PRKG1: variants seen among roughly 807,000 people sequenced by gnomAD.
PRKG1 encodes the protein protein kinase cGMP-dependent 1.
A neutral mutation model predicts 88.1 loss-of-function variants in PRKG1; 35 were observed. That is an observed-to-expected ratio of 0.40 (90% CI 0.30 to 0.53). PRKG1 has a LOEUF of 0.53. Among genes scored for constraint, PRKG1 ranks in the 20% least tolerant of loss-of-function variants. The pLI, the probability that PRKG1 is intolerant of heterozygous loss-of-function variation, is 0.59. For missense variants in PRKG1, 540 were observed against 839.8 expected (o/e 0.64, Z 4.41); for synonymous variants, 303 against 292.5 (o/e 1.04, Z -0.37).
intron 2 of PRKG1, among the ~76,000 whole-genome samples, chr10:51,399,739 G>A (rs1025413196): frequency 1.1e-4 from 17 of 152,174 alleles, no homozygotes; most frequent in African/African-American, 4.1e-4. Flanking sequence ...GAGAAGTGGG[G>A]TCAATGCAGA....
intron 9 of PRKG1, among the ~76,000 whole-genome samples, chr10:52,211,911 T>C (rs7917121): frequency 0.19 from 28,324 of 152,042 alleles, 3,917 homozygotes; most frequent in East Asian, 0.47. Context: ...CTATAAATCT[T>C]ATATTTCTAA....
chr10:51,765,185 C>T (rs1443871327), intron 3 of PRKG1, among the ~76,000 whole-genome samples: 1 of 152,086 alleles, frequency 6.6e-6, no homozygotes, highest in Non-Finnish European at 1.5e-5. Context: ...GAGGGTATAC[C>T]TTAATCCATA....
At chr10:51,513,109 T>G (rs1841467893) in intron 3 of PRKG1, among the ~76,000 whole-genome samples, 1 of 151,950 alleles carries the variant, frequency 6.6e-6, no homozygotes, top group South Asian at 2.1e-4. Context: ...CCATCTCATG[T>G]GCAGAGACAC....
chr10:51,974,766 T>C (rs1046197820), intron 5 of PRKG1, among the ~76,000 whole-genome samples: 1 of 152,174 alleles, frequency 6.6e-6, no homozygotes, highest in African/African-American at 2.4e-5. Context: ...GGAATTGGCT[T>C]GTATCTCTTA....
chr10:52,211,742 G>T (rs1017237207), intron 9 of PRKG1, among the ~76,000 whole-genome samples: 4 of 149,152 alleles, frequency 2.7e-5, no homozygotes, highest in African/African-American at 7.4e-5. Flanking sequence ...TAATTGGTTA[G>T]TAAAGTAACG....
intron 9 of PRKG1, among the ~76,000 whole-genome samples, chr10:52,244,752 A>T (rs1431421804): frequency 1.4e-5 from 2 of 144,458 alleles, no homozygotes; most frequent in Admixed American, 7.0e-5. Flanking sequence ...ATTTAAATAT[A>T]TATTAAGATA....
chr10:52,265,943 TA>T (rs1841560046), intron 10 of PRKG1, among the ~76,000 whole-genome samples: 1 of 152,076 alleles, frequency 6.6e-6, no homozygotes, highest in Non-Finnish European at 1.5e-5. Context: ...ATTTCTTATA[TA>T]AAATAAAATG....
chr10:51,389,245 G>A (rs985022287), intron 2 of PRKG1, among the ~76,000 whole-genome samples: 5 of 152,156 alleles, frequency 3.3e-5, no homozygotes, highest in African/African-American at 9.6e-5. Context: ...CTTTGCTTCC[G>A]TTATGCAAGT....
intron 9 of PRKG1, among the ~76,000 whole-genome samples, chr10:52,241,574 C>T (rs1840863321): frequency 6.6e-6 from 1 of 152,178 alleles, no homozygotes; most frequent in Admixed American, 6.6e-5. Context: ...TGACCCACTA[C>T]AACCATGACT....
At chr10:51,838,467 G>A (rs1840185405) in intron 4 of PRKG1, among the ~76,000 whole-genome samples, 1 of 152,172 alleles carries the variant, frequency 6.6e-6, no homozygotes, top group Non-Finnish European at 1.5e-5. Flanking sequence ...GGCAGTTTTA[G>A]CAGAGTTTCC....
chr10:52,086,939 A>C (rs1039390422), intron 7 of PRKG1, among the ~76,000 whole-genome samples: 6 of 152,176 alleles, frequency 3.9e-5, no homozygotes. Flanking sequence ...AGTGCCGAGT[A>C]AAAGGGAGAA....
chr10:51,678,636 G>A (rs1220938731), intron 3 of PRKG1, among the ~76,000 whole-genome samples: 1 of 152,174 alleles, frequency 6.6e-6, no homozygotes, highest in African/African-American at 2.4e-5. Context: ...TAATAGGATT[G>A]AAAAGGTGGC....
intron 1 of PRKG1, among the ~76,000 whole-genome samples, chr10:51,101,186 G>T (rs1474650014): frequency 6.6e-6 from 1 of 152,118 alleles, no homozygotes; most frequent in East Asian, 1.9e-4. Flanking sequence ...GATTATTAAG[G>T]TTAAATGACA....
At chr10:51,916,673 A>G (rs1016649785) in intron 5 of PRKG1, among the ~76,000 whole-genome samples, 5 of 152,214 alleles carry the variant, frequency 3.3e-5, no homozygotes, top group African/African-American at 9.6e-5. Flanking sequence ...TCCTAGGTGC[A>G]TACCCAAGAG....
At chr10:51,641,059 T>TA (rs11435594) in intron 3 of PRKG1, among the ~76,000 whole-genome samples, 71,551 of 150,598 alleles carry the variant, frequency 0.48, 18,369 homozygotes, top group East Asian at 0.72. Flanking sequence ...TATAATAAGA[T>TA]AAAAAAAATC....
chr10:52,238,389 C>T (rs1325148821), intron 9 of PRKG1, among the ~76,000 whole-genome samples: 1 of 146,520 alleles, frequency 6.8e-6, no homozygotes, highest in Non-Finnish European at 1.5e-5. Context: ...AGGCAACCTA[C>T]AAAATGGGAG....
chr10:51,406,577 T>C (rs543055905), intron 2 of PRKG1, among the ~76,000 whole-genome samples: 26 of 151,860 alleles, frequency 1.7e-4, no homozygotes, highest in African/African-American at 5.1e-4. Flanking sequence ...GAAACTATTA[T>C]GTTAACTACT....
intron 3 of PRKG1, among the ~76,000 whole-genome samples, chr10:51,615,510 C>T (rs1839026484): frequency 6.6e-6 from 1 of 151,932 alleles, no homozygotes; most frequent in Non-Finnish European, 1.5e-5. Flanking sequence ...ATGCTTTGCT[C>T]ATTCTTTTTT....
Position 52,290,936 on chromosome 10 carries a change from T to G in PRKG1, c.1962+646T>G, listed in dbSNP as rs532965676. ...TTTTTTTTTTTTTTTTTTAATTTTT[T>G]TTTTGAGATGGAGTCTTAATCTGTC... is the stretch of plus-strand genomic sequence containing the variant. On this transcript the variant is annotated intron_variant, in intron 17 of 17. Transcript: ENST00000373980. Among the ~76,000 whole-genome samples, 93 of 151,164 alleles carry G rather than the reference T, an allele frequency of 6.2e-4. 3 individuals carry two copies. The East Asian group carries it at 0.017, about 27-fold the overall frequency.
Sources: gnomAD v4.1 joint callset for allele counts (sites outside exome capture counted in the v4.1 genomes callset) on GRCh38, gnomAD v4.1.1 for gene constraint, MANE v1.5 for transcripts, NCBI Gene and HGNC (gene_info 2026-07-23, HGNC 2026-07-21) for gene names.